VTI1A: variants seen among roughly 807,000 people sequenced by gnomAD.
The protein encoded by VTI1A is vesicle transport through interaction with t-SNAREs homolog 1A.
A neutral mutation model predicts 34.9 loss-of-function variants in VTI1A; 22 were observed. The ratio of observed to expected loss-of-function variants is 0.63; its 90% CI spans 0.45 to 0.90. The LOEUF (loss-of-function observed/expected upper bound fraction) is 0.90, where lower values mean the gene tolerates loss of function less well. Among genes scored for constraint, VTI1A ranks in the 40% least tolerant of loss-of-function variants. The pLI, the probability that VTI1A is intolerant of heterozygous loss-of-function variation, is 0.00. For missense variants in VTI1A, 268 were observed against 275.6 expected (o/e 0.97, Z 0.20); for synonymous variants, 87 against 97.3 (o/e 0.89, Z 0.62).
intron 7 of VTI1A, among the ~76,000 whole-genome samples, chr10:112,754,046 C>T (rs1389944415): frequency 6.6e-6 from 1 of 152,060 alleles, no homozygotes; most frequent in Non-Finnish European, 1.5e-5. Flanking sequence ...TAAGTTGGAC[C>T]GCGAGAGAAA....
At chr10:112,545,078 C>A (rs1475737860) in intron 5 of VTI1A, among the ~76,000 whole-genome samples, 1 of 152,128 alleles carries the variant, frequency 6.6e-6, no homozygotes, top group East Asian at 1.9e-4. Flanking sequence ...TTATAGTAAT[C>A]CAAGATTTGG....
intron 5 of VTI1A, among the ~76,000 whole-genome samples, chr10:112,631,881 A>G (rs1192150566): frequency 6.6e-6 from 1 of 152,226 alleles, no homozygotes; most frequent in African/African-American, 2.4e-5. Context: ...TCAATCTGGG[A>G]CCAGAGAACC....
chr10:112,650,313 A>T (rs1019846613), intron 5 of VTI1A, among the ~76,000 whole-genome samples: 2 of 152,180 alleles, frequency 1.3e-5, no homozygotes, highest in Admixed American at 1.3e-4. Context: ...CAGGATCATC[A>T]GTATCACTGT....
chr10:112,724,867 T>C (rs1209546682), intron 7 of VTI1A, among the ~76,000 whole-genome samples: 1 of 151,846 alleles, frequency 6.6e-6, no homozygotes, highest in African/African-American at 2.4e-5. Flanking sequence ...TGAACCCACA[T>C]GTCTCTAACA....
At chr10:112,688,711 G>T (rs1000565130) in intron 7 of VTI1A, among the ~76,000 whole-genome samples, 1 of 151,568 alleles carries the variant, frequency 6.6e-6, no homozygotes, top group African/African-American at 2.4e-5. Context: ...TTGTTTGTTT[G>T]TATTTTTAGT....
upstream of VTI1A, chr10:112,447,071 C>T: frequency 5.0e-6 from 2 of 396,196 alleles, no homozygotes; most frequent in Admixed American, 6.9e-5. Flanking sequence ...CTAATGATCC[C>T]TCAGAACTTG....
chr10:112,743,251 C>G (rs903563248), intron 7 of VTI1A, among the ~76,000 whole-genome samples: 3 of 152,166 alleles, frequency 2.0e-5, no homozygotes, highest in African/African-American at 7.2e-5. Flanking sequence ...CAACAATGAG[C>G]AGACCCATTA....
At chr10:112,627,256 A>G (rs1845957022) in intron 5 of VTI1A, among the ~76,000 whole-genome samples, 1 of 152,176 alleles carries the variant, frequency 6.6e-6, no homozygotes, top group Admixed American at 6.5e-5. Flanking sequence ...GAGAATGACC[A>G]CCTAAAGTAA....
chr10:112,595,014 A>G (rs1844567001), intron 5 of VTI1A, among the ~76,000 whole-genome samples: 1 of 146,176 alleles, frequency 6.8e-6, no homozygotes, highest in Non-Finnish European at 1.5e-5. Context: ...CCACATATCT[A>G]CAACTATCTG....
At chr10:112,634,520 C>T (rs199749185) in intron 5 of VTI1A, among the ~76,000 whole-genome samples, 9 of 57,096 alleles carry the variant, frequency 1.6e-4, no homozygotes, top group African/African-American at 3.0e-4. Flanking sequence ...CACATACACA[C>T]ACACACACAC....
intron 7 of VTI1A, among the ~76,000 whole-genome samples, chr10:112,712,746 G>A (rs960197303): frequency 5.9e-5 from 9 of 152,196 alleles, no homozygotes; most frequent in Non-Finnish European, 1.0e-4. Context: ...CTCCAAGCAT[G>A]TGAACTGATT....
At chr10:112,530,520 G>T (rs993664036) in intron 4 of VTI1A, among the ~76,000 whole-genome samples, 6 of 152,144 alleles carry the variant, frequency 3.9e-5, no homozygotes, top group Non-Finnish European at 7.4e-5. Context: ...TCCAAGCTTT[G>T]ATTTTGAACC....
chr10:112,583,703 A>G (rs188002652), intron 5 of VTI1A, among the ~76,000 whole-genome samples: 3 of 152,328 alleles, frequency 2.0e-5, no homozygotes, highest in African/African-American at 7.2e-5. Flanking sequence ...AGGCAAGTAC[A>G]AAGGAAGCAG....
At chr10:112,802,458 G>C (rs895760333) in intron 7 of VTI1A, among the ~76,000 whole-genome samples, 3 of 152,198 alleles carry the variant, frequency 2.0e-5, no homozygotes, top group African/African-American at 7.2e-5. Context: ...TAAAAATGGG[G>C]ATGATAATAG....
At chr10:112,468,154 T>C (rs1019087727) in intron 3 of VTI1A, among the ~76,000 whole-genome samples, 4 of 152,278 alleles carry the variant, frequency 2.6e-5, no homozygotes, top group Admixed American at 2.0e-4. Flanking sequence ...GAGGGCATTG[T>C]AGGCCGTGGT....
intron 5 of VTI1A, among the ~76,000 whole-genome samples, chr10:112,618,524 T>TATATAGAG (rs748276058): frequency 2.0e-4 from 7 of 34,578 alleles, no homozygotes; most frequent in Admixed American, 6.7e-4. Context: ...TATATATATA[T>TATATAGAG]AGAGAGAGAG....
At chr10:112,719,712 A>G (rs1348565074) in intron 7 of VTI1A, among the ~76,000 whole-genome samples, 1 of 152,004 alleles carries the variant, frequency 6.6e-6, no homozygotes, top group African/African-American at 2.4e-5. Context: ...ACACCCTGCT[A>G]GTTTTGTATT....
intron 7 of VTI1A, among the ~76,000 whole-genome samples, chr10:112,684,438 T>TC (rs1491563254): frequency 2.5e-5 from 1 of 39,846 alleles, no homozygotes; most frequent in Non-Finnish European, 4.1e-5. Flanking sequence ...TGCTCATCTC[T>TC]TTTTTTTTTT....
At chr10:112,843,672 A>G in the VTI1A span, among the ~76,000 whole-genome samples, 2,567 of 152,264 alleles carry the variant, frequency 0.017, 22 homozygotes, top group African/African-American at 0.026. Flanking sequence ...CTAATGAAAA[A>G]CAGGGCAGGA....
Sources: gnomAD v4.1 joint callset for allele counts (sites outside exome capture counted in the v4.1 genomes callset) on GRCh38, gnomAD v4.1.1 for gene constraint, MANE v1.5 for transcripts, NCBI Gene and HGNC (gene_info 2026-07-23, HGNC 2026-07-21) for gene names.